Variants in RPSA observed in about 807,000 individuals in gnomAD.
RPSA encodes the protein small ribosomal subunit protein uS2.
For synonymous variants in RPSA, 103 were observed against 126.7 expected, an observed-to-expected ratio of 0.81 and a Z score of 1.25; for missense variants, 140 against 372.8, an observed-to-expected ratio of 0.38 and a Z score of 5.14.
At chr3:39,408,036 C>T in intron 2 of RPSA, 1 of 471,348 alleles carries the variant, frequency 2.1e-6, no homozygotes, top group Non-Finnish European at 3.9e-6. Context: ...AGTTCATTGG[C>T]TGAGTTTCTA....
intron 4 of RPSA, 59 bp downstream of exon 4, chr3:39,411,058 C>T: frequency 6.3e-7 from 1 of 1,583,820 alleles, no homozygotes; most frequent in Non-Finnish European, 8.6e-7. Context: ...CATTCCTGTG[C>T]ACATTGTTAG....
chr3:39,412,224 T>C (rs1210457279), intron 6 of RPSA, 50 bp from the exon 7 acceptor site: 2 of 1,469,578 alleles, frequency 1.4e-6, no homozygotes, highest in Admixed American at 1.7e-5. Flanking sequence ...TAAGGAAAAA[T>C]ACTACATTGA....
chr3:39,408,103 T>A, intron 2 of RPSA: 1 of 378,922 alleles, frequency 2.6e-6, no homozygotes, highest in Admixed American at 4.1e-5. Flanking sequence ...TTGAACTGAA[T>A]TTTGAGTGGA....
At position 39,408,756 on chromosome 3, in the gene RPSA, T is replaced by C. The variant is rs200338902; in HGVS notation, c.252+32T>C. The C allele has an allele frequency of 3.2e-5, 36 of 1,135,590 alleles. No individual in the cohort carries two copies. In the South Asian group the frequency reaches 3.3e-4, roughly 10 times the overall value. 70.3% of individuals were successfully genotyped at this position (1,135,590 alleles called of 1,614,324 possible). Reference sequence around the variant, plus strand: ...GGAACAGTGGTTAGTTTTTATATTATAGAAATAAAGCTTACAGACATTGTG... The same window carrying C: ...GGAACAGTGGTTAGTTTTTATATTACAGAAATAAAGCTTACAGACATTGTG... On this transcript the variant is annotated intron_variant, in intron 3 of 6. Coordinates refer to ENST00000301821, the MANE Select transcript of RPSA (RefSeq NM_002295.6).
intron 3 of RPSA, 173 bp from the exon 4 acceptor site, chr3:39,410,581 T>A (rs2041991957): frequency 1.4e-6 from 1 of 711,436 alleles, no homozygotes; most frequent in African/African-American, 1.8e-5. Flanking sequence ...CTGTCTTTTT[T>A]AATGTATGCA....
rs1007356055 is a variant in RPSA at position 39,409,424 on chromosome 3, C to T, written c.252+700C>T. Among the ~76,000 whole-genome samples, 6 of 152,208 alleles carry T rather than the reference C, an allele frequency of 3.9e-5. No homozygotes were observed. In the South Asian group the frequency reaches 6.2e-4, roughly 16 times the overall value. On this transcript the variant is annotated intron_variant, in intron 3 of 6. Coordinates refer to ENST00000301821, the MANE Select transcript of RPSA (RefSeq NM_002295.6). ...ACCATTTGGCCAGGCTGGTCTTAAA[C>T]GCCTGATCTCAAGTGATCCTCCCAC...
At chr3:39,409,925 C>G (rs919016573) in intron 3 of RPSA, among the ~76,000 whole-genome samples, 1 of 152,014 alleles carries the variant, frequency 6.6e-6, no homozygotes, top group Admixed American at 6.6e-5. Flanking sequence ...CCCAGAAGTT[C>G]GAGACCAGGG....
chr3:39,406,835 G>A, intron 1 of RPSA, 71 bp downstream of exon 1: 1 of 456,216 alleles, frequency 2.2e-6, no homozygotes, highest in Non-Finnish European at 4.4e-6. Context: ...CAAATGAAGG[G>A]TGAGAAGACT....
chr3:39,411,064 G>A, intron 4 of RPSA, 65 bp downstream of exon 4: 1 of 1,579,530 alleles, frequency 6.3e-7, no homozygotes. Context: ...TGTGCACATT[G>A]TTAGAGCTTG....
chr3:39,412,180 T>A (rs1246387000), intron 6 of RPSA, 94 bp from the exon 7 acceptor site: 1 of 1,310,950 alleles, frequency 7.6e-7, no homozygotes. Flanking sequence ...TCCAGTGTGC[T>A]ACAGCATCTG....
intron 3 of RPSA, chr3:39,410,528 G>T (rs1240951008): frequency 8.9e-6 from 5 of 559,520 alleles, no homozygotes; most frequent in Non-Finnish European, 1.6e-5. Flanking sequence ...ATTGGGCCAG[G>T]TAGTGTTGCT....
At chr3:39,412,141 C>G (rs1045647392) in intron 6 of RPSA, 80 bp downstream of exon 6, 84 of 1,436,390 alleles carry the variant, frequency 5.8e-5, no homozygotes, top group Non-Finnish European at 7.4e-5. Context: ...ATCTCTGTGA[C>G]TTTTATACTA....
intron 1 of RPSA, 62 bp from the exon 2 acceptor site, chr3:39,407,559 T>C: frequency 1.6e-6 from 2 of 1,287,854 alleles, no homozygotes; most frequent in Admixed American, 3.4e-5. Context: ...TTGGTTGCTT[T>C]TAAGGGTGTG....
chr3:39,409,199 T>TTTTTTTTTC (rs1282050084), intron 3 of RPSA, among the ~76,000 whole-genome samples: 6 of 129,876 alleles, frequency 4.6e-5, no homozygotes, highest in Non-Finnish European at 1.0e-4. Flanking sequence ...TTTTTTTTTT[T>TTTTTTTTTC]TTTTTTTTCC....
At chr3:39,410,598 C>A in intron 3 of RPSA, 156 bp from the exon 4 acceptor site, 1 of 809,848 alleles carries the variant, frequency 1.2e-6, no homozygotes, top group Non-Finnish European at 2.1e-6. Context: ...TGCAGGAAAT[C>A]TCTGGAGAAG....
chr3:39,407,042 T>TA, intron 1 of RPSA: 1 of 454,860 alleles, frequency 2.2e-6, no homozygotes, highest in South Asian at 1.6e-5. Context: ...GAAAGCGGGC[T>TA]AACATCCTGT....
intron 4 of RPSA, chr3:39,411,267 T>A (rs565696062): frequency 8.6e-6 from 6 of 700,142 alleles, no homozygotes; most frequent in Non-Finnish European, 1.3e-5. Context: ...TAGTGTGTTC[T>A]TCTGCCTTTG....
At chr3:39,407,901 C>A (rs765270291) in intron 2 of RPSA, 115 bp downstream of exon 2, 17 of 733,118 alleles carry the variant, frequency 2.3e-5, no homozygotes, top group Non-Finnish European at 3.6e-5. Flanking sequence ...TGAAGCCAGA[C>A]CCCTACGTTG....
At chr3:39,411,139 G>A in intron 4 of RPSA, 140 bp downstream of exon 4, 2 of 1,023,060 alleles carry the variant, frequency 2.0e-6, no homozygotes, top group Non-Finnish European at 3.1e-6. Flanking sequence ...TGAGGGGCAA[G>A]TTTTCGCTAA....
Sources: allele counts gnomAD v4.1 joint callset (sites outside exome capture counted in the v4.1 genomes callset), GRCh38; gene constraint gnomAD v4.1.1; transcripts MANE v1.5; gene names NCBI Gene and HGNC (gene_info 2026-07-23, HGNC 2026-07-21).